THEMIS: variants seen among roughly 807,000 people sequenced by gnomAD.
The protein encoded by THEMIS is thymocyte selection associated.
In THEMIS, 37 loss-of-function variants were observed where a neutral mutation model predicts 52.6. The observed-to-expected ratio is 0.70, with a 90% CI of 0.54 to 0.93. The LOEUF is 0.93. Among genes scored for constraint, THEMIS ranks in the 40% least tolerant of loss-of-function variants. The pLI is 0.00. For synonymous variants in THEMIS, 292 were observed against 272.7 expected, an observed-to-expected ratio of 1.07 and a Z score of -0.70; for missense variants, 808 against 763.1, an observed-to-expected ratio of 1.06 and a Z score of -0.69.
chr6:127,896,866 T>C lies in THEMIS; in HGVS notation c.91+3976A>G, dbSNP rs568349706. ...ATTTCACAACCAAGTTTGAGAACCATGGCTCTGTAGCATATTATTAAATAT... is the reference window on the plus strand; with the variant it reads ...ATTTCACAACCAAGTTTGAGAACCACGGCTCTGTAGCATATTATTAAATAT... On this transcript the variant is annotated intron_variant, in intron 1 of 5. Coordinates refer to ENST00000368248, the MANE Select transcript of THEMIS (RefSeq NM_001010923.3). 2.0e-5 allele frequency among the ~76,000 whole-genome samples: 3 copies of C among 151,688 alleles called. No individual in the cohort carries two copies. In the East Asian group the frequency reaches 5.8e-4, roughly 29 times the overall value.
the THEMIS span, among the ~76,000 whole-genome samples, chr6:127,701,982 T>C: frequency 3.2e-4 from 48 of 152,114 alleles, no homozygotes; most frequent in Non-Finnish European, 6.0e-4. Context: ...TTCCAGTCTG[T>C]AATTATTTTT....
intron 4 of THEMIS, among the ~76,000 whole-genome samples, chr6:127,763,305 T>A (rs1425510466): frequency 6.6e-6 from 1 of 152,046 alleles, no homozygotes; most frequent in African/African-American, 2.4e-5. Context: ...ACTTACAGAA[T>A]GCTTTTGTGT....
At chr6:127,820,976 G>A (rs968652819) in intron 3 of THEMIS, among the ~76,000 whole-genome samples, 5 of 151,826 alleles carry the variant, frequency 3.3e-5, no homozygotes, top group Non-Finnish European at 7.4e-5. Flanking sequence ...ATCTCTCCTA[G>A]AGAAAGATAA....
intron 1 of THEMIS, among the ~76,000 whole-genome samples, chr6:127,859,679 G>A (rs1018966072): frequency 2.6e-5 from 4 of 152,106 alleles, no homozygotes; most frequent in African/African-American, 9.7e-5. Context: ...TACAAGTGAA[G>A]TATATACAAG....
chr6:127,843,576 A>G (rs1368255310), intron 2 of THEMIS, among the ~76,000 whole-genome samples: 1 of 152,024 alleles, frequency 6.6e-6, no homozygotes, highest in Non-Finnish European at 1.5e-5. Context: ...TATTAAAATT[A>G]ATGTCACCTT....
chr6:127,728,934 A>G (rs1351425141), intron 4 of THEMIS, among the ~76,000 whole-genome samples: 7 of 152,158 alleles, frequency 4.6e-5, no homozygotes, highest in African/African-American at 1.7e-4. Flanking sequence ...TGAATTAAAA[A>G]CATCTTTTTA....
chr6:127,793,927 C>T (rs892815561), intron 4 of THEMIS, among the ~76,000 whole-genome samples: 16 of 152,168 alleles, frequency 1.1e-4, no homozygotes, highest in Admixed American at 2.0e-4. Context: ...TTGTTGTTGG[C>T]TTTCCCACTA....
At chr6:127,834,804 A>G (rs535944708) in intron 2 of THEMIS, among the ~76,000 whole-genome samples, 18 of 152,222 alleles carry the variant, frequency 1.2e-4, no homozygotes, top group Non-Finnish European at 1.6e-4. Flanking sequence ...AACCTAACAC[A>G]TTTGGGATGC....
chr6:127,740,454 T>A (rs909131075), intron 4 of THEMIS, among the ~76,000 whole-genome samples: 1 of 152,230 alleles, frequency 6.6e-6, no homozygotes, highest in African/African-American at 2.4e-5. Flanking sequence ...TGATTATTTT[T>A]AAAATGCAAC....
intron 2 of THEMIS, among the ~76,000 whole-genome samples, chr6:127,838,383 C>T (rs971349476): frequency 7.2e-5 from 11 of 151,982 alleles, no homozygotes; most frequent in African/African-American, 2.7e-4. Context: ...TGAATTTCTT[C>T]TAAGCTTTGT....
intron 1 of THEMIS, among the ~76,000 whole-genome samples, chr6:127,908,238 C>T (rs1426464644): frequency 6.6e-6 from 1 of 152,046 alleles, no homozygotes; most frequent in East Asian, 1.9e-4. Context: ...CTATGCTTGT[C>T]ATTATACAAG....
chr6:127,735,337 CTG>C (rs1412447778), intron 4 of THEMIS, among the ~76,000 whole-genome samples: 1 of 150,614 alleles, frequency 6.6e-6, no homozygotes, highest in African/African-American at 2.5e-5. Context: ...GTGTGTGTGT[CTG>C]TGTGTGTATG....
intron 4 of THEMIS, among the ~76,000 whole-genome samples, chr6:127,785,509 T>G (rs1776919035): frequency 6.6e-6 from 1 of 151,812 alleles, no homozygotes; most frequent in Non-Finnish European, 1.5e-5. Flanking sequence ...TTCTCCAGAT[T>G]GATACATTTA....
intron 4 of THEMIS, among the ~76,000 whole-genome samples, chr6:127,769,875 TG>T (rs1350420602): frequency 1.3e-5 from 2 of 152,196 alleles, no homozygotes; most frequent in African/African-American, 4.8e-5. Context: ...ATGTGGTGTT[TG>T]GTTTCCTGTC....
chr6:127,744,732 T>C (rs563969154), intron 4 of THEMIS, among the ~76,000 whole-genome samples: 1 of 152,046 alleles, frequency 6.6e-6, no homozygotes, highest in East Asian at 1.9e-4. Flanking sequence ...GCAAGATGGG[T>C]AAATTATAGA....
intron 4 of THEMIS, among the ~76,000 whole-genome samples, chr6:127,734,924 T>C (rs1774948244): frequency 7.3e-6 from 1 of 136,692 alleles, no homozygotes; most frequent in Non-Finnish European, 1.6e-5. Flanking sequence ...TGTGTGTGTG[T>C]GTGTGTGTGT....
chr6:127,816,889 C>T (rs1778154452), intron 3 of THEMIS, among the ~76,000 whole-genome samples: 1 of 152,184 alleles, frequency 6.6e-6, no homozygotes, highest in Admixed American at 6.5e-5. Flanking sequence ...GATCTTTGCA[C>T]AGCCTGTTTC....
chr6:127,733,510 CA>C (rs1774881979), intron 4 of THEMIS, among the ~76,000 whole-genome samples: 2 of 152,174 alleles, frequency 1.3e-5, no homozygotes, highest in African/African-American at 2.4e-5. Flanking sequence ...GTGGGGGTTC[CA>C]GCCTCAGAGA....
chr6:127,783,274 A>C (rs1054627474), intron 4 of THEMIS, among the ~76,000 whole-genome samples: 2 of 152,236 alleles, frequency 1.3e-5, no homozygotes, highest in African/African-American at 4.8e-5. Flanking sequence ...TAGACCTAAA[A>C]CCTTAAAAAT....
Sources: allele counts gnomAD v4.1 joint callset (sites outside exome capture counted in the v4.1 genomes callset), GRCh38; gene constraint gnomAD v4.1.1; transcripts MANE v1.5; gene names NCBI Gene and HGNC (gene_info 2026-07-23, HGNC 2026-07-21).